SERTM1: variants seen among roughly 807,000 people sequenced by gnomAD.
The protein encoded by SERTM1 is serine rich and transmembrane domain containing 1, also known as serine-rich and transmembrane domain-containing protein 1.
SERTM1 carries 1 observed loss-of-function variant against 5.5 expected under a neutral mutation model. That is an observed-to-expected ratio of 0.18 (90% confidence interval 0.06 to 0.86). The LOEUF is 0.86. SERTM1 is among the 40% of genes least tolerant of loss of function. The probability of loss-of-function intolerance (pLI) is 0.69; values close to 1 mark genes in which losing one functional copy is unlikely to be tolerated. For synonymous variants in SERTM1, 52 were observed against 55.1 expected (o/e 0.94, Z 0.25); for missense variants, 91 against 122.4 (o/e 0.74, Z 1.21).
At chr13:36,687,177 G>T (rs747836948) in intron 1 of SERTM1, among the ~76,000 whole-genome samples, 1 of 152,104 alleles carries the variant, frequency 6.6e-6, no homozygotes, top group Non-Finnish European at 1.5e-5. Flanking sequence ...GAGAAACAAT[G>T]GTTCATTAAT....
rs537804812 is a variant in SERTM1, at chr13:36,693,828, A to G, written c.-173-1078A>G. On this transcript the variant is annotated intron_variant, in intron 1 of 1. Transcript: ENST00000315190. ...TTAGAAATGTACAGCAAAATTATCTAGAGCCATACAGAGCTAGGAAGAGCA... is the reference window on the plus strand; with the variant it reads ...TTAGAAATGTACAGCAAAATTATCTGGAGCCATACAGAGCTAGGAAGAGCA... Among the ~76,000 whole-genome samples, 11 of 152,366 alleles carry G rather than the reference A, an allele frequency of 7.2e-5. No individual in the cohort carries two copies. In the East Asian group the frequency reaches 1.5e-3, roughly 21 times the overall value.
Position 36,695,404 on chromosome 13 carries a change from G to A in SERTM1, c.*2G>A, listed in dbSNP as rs2056806831. On this transcript the variant is annotated 3_prime_UTR_variant, in exon 2 of 2. Transcript: ENST00000315190. ...ACTTTTTCAAACCTTTCATCCTGAG[G>A]AAAATGGAAGAGTCCTTGAGTGTGG... is the stretch of plus-strand genomic sequence containing the variant. 2 of 1,609,948 alleles carry A rather than the reference G, an allele frequency of 1.2e-6. No individual in the cohort carries two copies. Among genetic ancestry groups the A allele is most frequent in the Non-Finnish European group, 1.7e-6 (2 of 1,177,498 alleles).
intron 1 of SERTM1, among the ~76,000 whole-genome samples, chr13:36,677,020 G>C (rs141341619): frequency 6.6e-6 from 1 of 152,064 alleles, no homozygotes; most frequent in South Asian, 2.1e-4. Context: ...GTGCATTCAC[G>C]GGCCATTTCA....
At chr13:36,676,683 A>G (rs1037123426) in intron 1 of SERTM1, among the ~76,000 whole-genome samples, 6 of 152,216 alleles carry the variant, frequency 3.9e-5, no homozygotes, top group African/African-American at 1.4e-4. Flanking sequence ...GTAGTGCCAC[A>G]GAAGAATGTT....
intron 1 of SERTM1, among the ~76,000 whole-genome samples, chr13:36,675,328 C>G (rs2056662959): frequency 6.6e-6 from 1 of 152,194 alleles, no homozygotes; most frequent in South Asian, 2.1e-4. Context: ...AAACTGACAG[C>G]GTTACTGTCC....
Position 36,695,452 on chromosome 13 carries a change from C to G in SERTM1, c.*50C>G. 7.2e-7 allele frequency: 1 copy of G among 1,382,034 alleles called. No homozygotes were observed. Among genetic ancestry groups the G allele is most frequent in the Non-Finnish European group, 1.0e-6 (1 of 986,202 alleles). The allele number at this position is 1,382,034 out of a possible 1,614,324, so 85.6% of individuals were successfully genotyped here. ...TGGCAGCAGTTTTGACATCCCCTTA[C>G]GGAAGTGTCCCGTGAGGCATTGCCT... On this transcript the variant is annotated 3_prime_UTR_variant, in exon 2 of 2. Coordinates refer to ENST00000315190, the MANE Select transcript of SERTM1 (RefSeq NM_203451.3).
chr13:36,687,278 C>G (rs2056747416), intron 1 of SERTM1, among the ~76,000 whole-genome samples: 1 of 152,140 alleles, frequency 6.6e-6, no homozygotes, highest in Admixed American at 6.5e-5. Flanking sequence ...AACATTTATG[C>G]ATATTTGTGA....
chr13:36,684,160 G>A (rs2056725070), intron 1 of SERTM1, among the ~76,000 whole-genome samples: 1 of 152,122 alleles, frequency 6.6e-6, no homozygotes, highest in African/African-American at 2.4e-5. Flanking sequence ...AGCCGGACGT[G>A]GTGGTGGGTG....
chr13:36,695,706 G>C lies in SERTM1; in HGVS notation c.*304G>C. 1 of 344,636 alleles carries C rather than the reference G, an allele frequency of 2.9e-6. No homozygotes were observed. Among genetic ancestry groups the C allele is most frequent in the Non-Finnish European group, 5.5e-6 (1 of 181,344 alleles). 21.3% of individuals were successfully genotyped at this position (344,636 alleles called of 1,614,324 possible). On this transcript the variant is annotated 3_prime_UTR_variant, in exon 2 of 2. Transcript: ENST00000315190. ...TTTGTTGGACGCCGTAGGCTCATCT[G>C]AGGTGGCCTCTCCGTGGATGCTGGA...
intron 1 of SERTM1, among the ~76,000 whole-genome samples, chr13:36,679,666 C>T (rs1016894398): frequency 6.6e-6 from 1 of 152,190 alleles, no homozygotes; most frequent in African/African-American, 2.4e-5. Context: ...CTTGGCCTCC[C>T]AAAGTGCTGG....
Position 36,696,581 on chromosome 13 carries a change from C to T in SERTM1, c.*1179C>T. 1 of 166,942 alleles carries T rather than the reference C, an allele frequency of 6.0e-6. No individual in the cohort carries two copies. The highest frequency in any genetic ancestry group is 1.9e-4 in the East Asian group (1 of 5,198). 10.3% of individuals were successfully genotyped at this position (166,942 alleles called of 1,614,324 possible). A position where few individuals can be genotyped will look rare whatever the true frequency, so the allele number is the denominator to read the frequency against. Reference sequence around the variant, plus strand: ...AGGGATCCTAGGAGCTGCCGTGCTGCAGGCAGCAGAGTATGTCTGAACTCG... The same window carrying T: ...AGGGATCCTAGGAGCTGCCGTGCTGTAGGCAGCAGAGTATGTCTGAACTCG... On this transcript the variant is annotated 3_prime_UTR_variant, in exon 2 of 2. Coordinates refer to ENST00000315190, the MANE Select transcript of SERTM1 (RefSeq NM_203451.3).
chr13:36,696,349 C>T lies in SERTM1; in HGVS notation c.*947C>T, dbSNP rs142759752. ...TTAGTGCAGAATTATATTAAGCCTC[C>T]AAGATGTCTGATATTTGTTCACTCA... On this transcript the variant is annotated 3_prime_UTR_variant, in exon 2 of 2. Coordinates refer to ENST00000315190, the MANE Select transcript of SERTM1 (RefSeq NM_203451.3). The T allele has an allele frequency of 6.0e-6, 1 of 166,132 alleles. No individual in the cohort carries two copies. The highest frequency in any genetic ancestry group is 2.4e-5 in the African/African-American group (1 of 41,520). 10.3% of individuals were successfully genotyped at this position (166,132 alleles called of 1,614,324 possible). A position where few individuals can be genotyped will look rare whatever the true frequency, so the allele number is the denominator to read the frequency against.
chr13:36,687,430 C>T (rs2056748862), intron 1 of SERTM1, among the ~76,000 whole-genome samples: 2 of 151,840 alleles, frequency 1.3e-5, no homozygotes, highest in South Asian at 4.2e-4. Context: ...TTTTTTCAGA[C>T]AAGTGGATCC....
chr13:36,697,115 C>T lies in SERTM1; in HGVS notation c.*1713C>T, dbSNP rs895756933. ...AAAACGTCCCCAAACACCATAAGACCAGCACAGAGTTGCTGCCCTAAAATG... is the reference window on the plus strand; with the variant it reads ...AAAACGTCCCCAAACACCATAAGACTAGCACAGAGTTGCTGCCCTAAAATG... On this transcript the variant is annotated 3_prime_UTR_variant, in exon 2 of 2. Coordinates refer to ENST00000315190, the MANE Select transcript of SERTM1 (RefSeq NM_203451.3). The T allele has an allele frequency of 1.8e-5, 3 of 166,772 alleles. No homozygotes were observed. Among genetic ancestry groups the T allele is most frequent in the Non-Finnish European group, 4.4e-5 (3 of 68,060 alleles). 10.3% of individuals were successfully genotyped at this position (166,772 alleles called of 1,614,324 possible).
At chr13:36,683,154 C>T (rs193131799) in intron 1 of SERTM1, among the ~76,000 whole-genome samples, 1 of 152,214 alleles carries the variant, frequency 6.6e-6, no homozygotes, top group East Asian at 1.9e-4. Context: ...AACCATTTGG[C>T]CTGTTTAAGT....
intron 1 of SERTM1, among the ~76,000 whole-genome samples, chr13:36,692,680 G>A (rs542725339): frequency 2.0e-5 from 3 of 152,214 alleles, no homozygotes; most frequent in Non-Finnish European, 2.9e-5. Context: ...AAGTAGGAAA[G>A]GTAGGCATCA....
At chr13:36,687,515 T>C (rs192254915) in intron 1 of SERTM1, among the ~76,000 whole-genome samples, 20 of 152,284 alleles carry the variant, frequency 1.3e-4, no homozygotes, top group African/African-American at 3.4e-4. Flanking sequence ...CTTTTTTTTT[T>C]CCAAATTGTG....
At chr13:36,675,898 G>A (rs2056666855) in intron 1 of SERTM1, among the ~76,000 whole-genome samples, 1 of 152,110 alleles carries the variant, frequency 6.6e-6, no homozygotes, top group Non-Finnish European at 1.5e-5. Context: ...GGCTTTGAGG[G>A]GCTTATTATT....
At chr13:36,691,037 G>A (rs1272696879) in intron 1 of SERTM1, among the ~76,000 whole-genome samples, 1 of 152,198 alleles carries the variant, frequency 6.6e-6, no homozygotes, top group African/African-American at 2.4e-5. Flanking sequence ...TTTGAATAAA[G>A]GTCATGAAAT....
Sources: allele counts gnomAD v4.1 joint callset (sites outside exome capture counted in the v4.1 genomes callset), GRCh38; gene constraint gnomAD v4.1.1; transcripts MANE v1.5; gene names NCBI Gene and HGNC (gene_info 2026-07-23, HGNC 2026-07-21).